The following INPP4B variants were observed in gnomAD, a reference collection of about 807,000 sequenced individuals.
INPP4B encodes the protein inositol polyphosphate-4-phosphatase type II B.
Under a neutral mutation model 122.5 loss-of-function variants are expected in INPP4B, and 55 were observed. That is an observed-to-expected ratio of 0.45 (90% CI 0.36 to 0.56). The LOEUF is 0.56. INPP4B is among the 20% of genes least tolerant of loss of function. The pLI, the probability that INPP4B is intolerant of heterozygous loss-of-function variation, is 0.00. For synonymous variants in INPP4B, 403 were observed against 388.7 expected (o/e 1.04, Z -0.43); for missense variants, 1,000 against 1,097.7 (o/e 0.91, Z 1.26).
At chr4:142,823,937 G>T (rs560279149) in intron 1 of INPP4B, among the ~76,000 whole-genome samples, 3 of 152,224 alleles carry the variant, frequency 2.0e-5, no homozygotes, top group Non-Finnish European at 2.9e-5. Flanking sequence ...ACTACACTGA[G>T]TAAAAAAGAT....
In INPP4B at chr4:142,023,452, A is replaced by G. The variant is rs1391247513; in HGVS notation, c.*5330T>C. ...TCCACACGAGAAGTATGTGTATACA[A>G]AGTATTGTATGTATGCAGTGAAATG... On this transcript the variant is annotated 3_prime_UTR_variant, in exon 26 of 26. Transcript: ENST00000262992. The G allele has an allele frequency of 6.6e-6, 1 of 152,216 alleles. No homozygotes were observed. Among genetic ancestry groups the G allele is most frequent in the Non-Finnish European group, 1.5e-5 (1 of 68,034 alleles). The allele number at this position is 152,216 out of a possible 1,614,324, so 9.4% of individuals were successfully genotyped here. A position where few individuals can be genotyped will look rare whatever the true frequency, so the allele number is the denominator to read the frequency against.
At position 142,539,222 on chromosome 4, in the gene INPP4B, T is replaced by C. The variant is rs1828649621; in HGVS notation, c.-190-76496A>G. The stretch of plus-strand genomic sequence containing the variant: ...GAAAGTCAAAAACAGTCAGATGGCA[T>C]TTATTTTGCATATCAACATGACAAT... On this transcript the variant is annotated intron_variant, in intron 2 of 25. Coordinates refer to ENST00000262992, the MANE Select transcript of INPP4B (RefSeq NM_001101669.3). Among the ~76,000 whole-genome samples, 5 of 151,706 alleles carry C rather than the reference T, an allele frequency of 3.3e-5. No homozygotes were observed. In the South Asian group the frequency reaches 1.0e-3, roughly 32 times the overall value.
chr4:142,295,571 A>G lies in INPP4B; in HGVS notation c.503+9887T>C, dbSNP rs560210499. On this transcript the variant is annotated intron_variant, in intron 9 of 25. Coordinates refer to ENST00000262992, the MANE Select transcript of INPP4B (RefSeq NM_001101669.3). ...ATAACATGACTATGTTTCTTGGAAC[A>G]TAGTGTCTAATAAGCTGTTGATAAG... Among the ~76,000 whole-genome samples, 6 of 152,322 alleles carry G rather than the reference A, an allele frequency of 3.9e-5. No individual in the cohort carries two copies. The South Asian group carries it at 1.0e-3, about 26-fold the overall frequency.
chr4:142,816,356 T>A (rs2151138123), intron 1 of INPP4B, among the ~76,000 whole-genome samples: 1 of 152,276 alleles, frequency 6.6e-6, no homozygotes, highest in East Asian at 1.9e-4. Context: ...TTAAATTATG[T>A]TTTTATAATT....
At chr4:142,843,415 G>T (rs900885522) in intron 1 of INPP4B, among the ~76,000 whole-genome samples, 1 of 151,728 alleles carries the variant, frequency 6.6e-6, no homozygotes, top group African/African-American at 2.4e-5. Context: ...ATTCCTTAAG[G>T]CTTTAGAAAG....
At chr4:142,678,748 C>T (rs1580692758) in intron 2 of INPP4B, among the ~76,000 whole-genome samples, 1 of 151,902 alleles carries the variant, frequency 6.6e-6, no homozygotes, top group East Asian at 1.9e-4. Flanking sequence ...CAAATGGCTT[C>T]ATCTTAAACA....
At chr4:142,289,838 ATTAAG>A (rs1755571455) in intron 9 of INPP4B, among the ~76,000 whole-genome samples, 1 of 152,142 alleles carries the variant, frequency 6.6e-6, no homozygotes, top group South Asian at 2.1e-4. Context: ...AAACTATTTA[ATTAAG>A]TTTTGTTTCC....
chr4:142,613,881 G>C (rs1275459437), intron 2 of INPP4B, among the ~76,000 whole-genome samples: 1 of 152,036 alleles, frequency 6.6e-6, no homozygotes, highest in African/African-American at 2.4e-5. Flanking sequence ...AGTCCTCCAA[G>C]GCCAAATTCA....
intron 25 of INPP4B, among the ~76,000 whole-genome samples, chr4:142,059,842 C>T (rs1759653271): frequency 6.6e-6 from 1 of 152,132 alleles, no homozygotes; most frequent in African/African-American, 2.4e-5. Flanking sequence ...CAATTCTGTA[C>T]TCTGGGTGGA....
intron 5 of INPP4B, among the ~76,000 whole-genome samples, chr4:142,410,139 C>T (rs948946548): frequency 2.0e-5 from 3 of 152,186 alleles, no homozygotes; most frequent in African/African-American, 7.2e-5. Flanking sequence ...TCAGTCTCAG[C>T]AATAATCAAT....
chr4:142,384,079 A>C (rs1412514242), intron 7 of INPP4B: 1 of 702,012 alleles, frequency 1.4e-6, no homozygotes, highest in Non-Finnish European at 2.6e-6. Flanking sequence ...GAGGACCTCA[A>C]GATCCACTTA....
In INPP4B at chr4:142,735,371, T is replaced by C. The variant is rs151124749; in HGVS notation, c.-253-9470A>G. Among the ~76,000 whole-genome samples the C allele has an allele frequency of 5.3e-5, 8 of 152,308 alleles. No homozygotes were observed. The East Asian group carries it at 1.5e-3, about 29-fold the overall frequency. On this transcript the variant is annotated intron_variant, in intron 1 of 25. Transcript: ENST00000262992. ...AGTGTCTTAAATTTAAGTATAGTCT[T>C]AAATTTTTAGAAATAACATTATTAT...
chr4:142,409,653 C>A (rs116702423), intron 5 of INPP4B, among the ~76,000 whole-genome samples: 1 of 152,064 alleles, frequency 6.6e-6, no homozygotes, highest in Non-Finnish European at 1.5e-5. Flanking sequence ...TAAGATGGAA[C>A]CTCTATACAA....
intron 2 of INPP4B, among the ~76,000 whole-genome samples, chr4:142,568,286 AC>A (rs1732079713): frequency 1.3e-5 from 2 of 151,862 alleles, no homozygotes; most frequent in African/African-American, 4.8e-5. Flanking sequence ...CTCTGGCCTT[AC>A]TTTGTAAGAC....
chr4:142,550,589 T>TAC (rs113408746), intron 2 of INPP4B, among the ~76,000 whole-genome samples: 1,677 of 140,502 alleles, frequency 0.012, 19 homozygotes, highest in African/African-American at 0.029. Context: ...ATGTAATATA[T>TAC]ACACACACAC....
At chr4:142,828,145 A>G (rs1781662219) in intron 1 of INPP4B, among the ~76,000 whole-genome samples, 1 of 152,168 alleles carries the variant, frequency 6.6e-6, no homozygotes. Flanking sequence ...AAATTAAAGA[A>G]AATCTCTCTG....
chr4:142,685,709 G>A (rs1759245188), intron 2 of INPP4B, among the ~76,000 whole-genome samples: 1 of 152,036 alleles, frequency 6.6e-6, no homozygotes, highest in South Asian at 2.1e-4. Context: ...GCAGTGAGCT[G>A]TGATCACACA....
chr4:142,253,505 T>C (rs10027480), intron 11 of INPP4B, among the ~76,000 whole-genome samples: 138,287 of 152,086 alleles, frequency 0.91, 63,110 homozygotes, highest in East Asian at 0.96. Context: ...GCGCACCATG[T>C]GCGAGCCGAA....
intron 12 of INPP4B, among the ~76,000 whole-genome samples, chr4:142,214,643 C>T (rs931399339): frequency 6.6e-6 from 1 of 152,170 alleles, no homozygotes; most frequent in African/African-American, 2.4e-5. Context: ...ACCTCCACCT[C>T]CCTGGTTCCA....
Sources: allele counts gnomAD v4.1 joint callset (sites outside exome capture counted in the v4.1 genomes callset), GRCh38; gene constraint gnomAD v4.1.1; transcripts MANE v1.5; gene names NCBI Gene and HGNC (gene_info 2026-07-23, HGNC 2026-07-21).